CADPS2: variants seen among roughly 807,000 people sequenced by gnomAD.
CADPS2 encodes calcium dependent secretion activator 2.
CADPS2 carries 93 observed loss-of-function variants against 172.5 expected under a neutral mutation model. That is an observed-to-expected ratio of 0.54 (90% CI 0.46 to 0.64). The LOEUF is 0.64. Among genes scored for constraint, CADPS2 ranks in the 30% least tolerant of loss-of-function variants. CADPS2 has a pLI of 0.00. For synonymous variants in CADPS2, 546 were observed against 555.2 expected (o/e 0.98, Z 0.23); for missense variants, 1,420 against 1,565.9 (o/e 0.91, Z 1.57).
chr7:122,410,553 G>T (rs2047182366), intron 19 of CADPS2, among the ~76,000 whole-genome samples: 2 of 151,378 alleles, frequency 1.3e-5, no homozygotes, highest in South Asian at 4.2e-4. Flanking sequence ...TGATACTTGA[G>T]TGATAACGGT....
At chr7:122,572,202 G>A (rs143496641) in intron 7 of CADPS2, among the ~76,000 whole-genome samples, 2,638 of 152,178 alleles carry the variant, frequency 0.017, 28 homozygotes, top group Middle Eastern at 0.034. Flanking sequence ...CTGCAAGATG[G>A]AATGGAAATT....
chr7:122,750,677 T>G (rs866914146), intron 1 of CADPS2, among the ~76,000 whole-genome samples: 3 of 152,168 alleles, frequency 2.0e-5, no homozygotes, highest in South Asian at 2.1e-4. Flanking sequence ...TGTGTGATCA[T>G]TTTTAAAGAA....
At chr7:122,492,477 T>G (rs566241752) in intron 9 of CADPS2, among the ~76,000 whole-genome samples, 2 of 152,208 alleles carry the variant, frequency 1.3e-5, no homozygotes, top group South Asian at 2.1e-4. Flanking sequence ...CAAAATACTG[T>G]AAATGGGGAA....
intron 9 of CADPS2, among the ~76,000 whole-genome samples, chr7:122,494,054 A>T (rs1220452561): frequency 1.3e-5 from 2 of 152,148 alleles, no homozygotes; most frequent in East Asian, 1.9e-4. Context: ...GAACATCTAC[A>T]ATCAGTTGAC....
intron 1 of CADPS2, among the ~76,000 whole-genome samples, chr7:122,878,646 A>G (rs1821989032): frequency 2.7e-5 from 1 of 36,920 alleles, no homozygotes; most frequent in African/African-American, 1.1e-4. Context: ...TCTCAAATAA[A>G]TAAATAAATA....
chr7:122,497,992 G>T (rs910742265), intron 9 of CADPS2, among the ~76,000 whole-genome samples: 8 of 152,050 alleles, frequency 5.3e-5, no homozygotes, highest in Non-Finnish European at 8.8e-5. Flanking sequence ...ATCTCACTTG[G>T]TGGCCCAGGT....
intron 7 of CADPS2, among the ~76,000 whole-genome samples, chr7:122,577,029 G>C (rs1201734814): frequency 2.0e-5 from 3 of 152,118 alleles, no homozygotes; most frequent in Non-Finnish European, 4.4e-5. Context: ...CCATAATGCT[G>C]GGATTATAGG....
intron 3 of CADPS2, among the ~76,000 whole-genome samples, chr7:122,640,157 T>A (rs2077458863): frequency 6.6e-6 from 1 of 152,136 alleles, no homozygotes. Context: ...TCTCTCTCCC[T>A]CACAGTCCAC....
At chr7:122,778,600 C>G (rs147430140) in intron 1 of CADPS2, among the ~76,000 whole-genome samples, 149 of 152,296 alleles carry the variant, frequency 9.8e-4, no homozygotes, top group African/African-American at 3.4e-3. Context: ...CTGTGTGCCA[C>G]CTAGGGACTT....
chr7:122,429,280 T>A (rs532982205), intron 17 of CADPS2, among the ~76,000 whole-genome samples: 33 of 149,766 alleles, frequency 2.2e-4, no homozygotes, highest in Admixed American at 6.7e-4. Context: ...AGCTTTTTTT[T>A]AAAATATATA....
intron 1 of CADPS2, among the ~76,000 whole-genome samples, chr7:122,870,967 C>A (rs1644933371): frequency 6.6e-6 from 1 of 151,988 alleles, no homozygotes; most frequent in East Asian, 1.9e-4. Flanking sequence ...AGACACTGAA[C>A]TAAGTGCTTT....
At chr7:122,408,584 C>A (rs1257458079) in intron 19 of CADPS2, among the ~76,000 whole-genome samples, 1 of 152,064 alleles carries the variant, frequency 6.6e-6, no homozygotes, top group African/African-American at 2.4e-5. Flanking sequence ...GCCACCATGC[C>A]CAGCTAATGT....
At chr7:122,679,265 T>TGGGGGCG (rs1554715351) in intron 2 of CADPS2, among the ~76,000 whole-genome samples, 1 of 39,146 alleles carries the variant, frequency 2.6e-5, no homozygotes, top group East Asian at 1.1e-3. Context: ...AATGCATTCC[T>TGGGGGCG]GGGGGGGGGG....
In CADPS2 at chr7:122,451,374, C is replaced by A. The variant is rs1379095436; in HGVS notation, c.2288G>T (p.Arg763Ile). The change falls in exon 15 of 30, where the codon AGA becomes ATA. Residue 763 changes from arginine (R) to isoleucine (I), a missense_variant and splice_region_variant. Physicochemically the swap from Arg to Ile is moderately conservative, Grantham distance 97 (BLOSUM62 -3). Transcript: ENST00000449022. ...TTTATATTAATAAAAAAATATATACCTGAAATGGCTTATCTGATTTTCTAA... is the reference window on the plus strand; with the variant it reads ...TTTATATTAATAAAAAAATATATACATGAAATGGCTTATCTGATTTTCTAA... The part of the protein sequence containing the change: ...SLLENQISHF[R>I]YCFPFGRPEG... The A allele has an allele frequency of 1.4e-6, 2 of 1,417,124 alleles. No individual in the cohort carries two copies. Among genetic ancestry groups the A allele is most frequent in the South Asian group, 1.5e-5 (1 of 67,546 alleles). 87.8% of individuals were successfully genotyped at this position (1,417,124 alleles called of 1,614,324 possible). A position where few individuals can be genotyped will look rare whatever the true frequency, so the allele number is the denominator to read the frequency against.
chr7:122,808,175 CTA>C, intron 1 of CADPS2, among the ~76,000 whole-genome samples: 1 of 152,086 alleles, frequency 6.6e-6, no homozygotes, highest in East Asian at 1.9e-4. Context: ...GTTATTGCTT[CTA>C]TGTGTCTTCT....
At chr7:122,569,192 A>G (rs1311103033) in intron 7 of CADPS2, among the ~76,000 whole-genome samples, 1 of 152,190 alleles carries the variant, frequency 6.6e-6, no homozygotes, top group African/African-American at 2.4e-5. Context: ...GTCTCAGGAT[A>G]CAAAATCAAT....
At chr7:122,599,261 T>C (rs1050483658) in intron 6 of CADPS2, among the ~76,000 whole-genome samples, 2 of 151,840 alleles carry the variant, frequency 1.3e-5, no homozygotes, top group African/African-American at 2.4e-5. Flanking sequence ...CCATACAGCA[T>C]AGAATCTAAG....
rs571640067 is a variant in CADPS2, at chr7:122,702,339, T to C, written c.453+34616A>G. The stretch of plus-strand genomic sequence containing the variant: ...CCCTGGTGAGACATGGGAAATACTT[T>C]ACTGCCCGTACCTTGATAGTTGTAG... On this transcript the variant is annotated intron_variant, in intron 2 of 29. Coordinates refer to ENST00000449022, the MANE Select transcript of CADPS2 (RefSeq NM_017954.11). 5.6e-6 allele frequency: 9 copies of C among 1,613,844 alleles called. No homozygotes were observed. The African/African-American group carries it at 1.1e-4, about 19-fold the overall frequency.
At chr7:122,595,786 CT>C (rs979069943) in intron 6 of CADPS2, among the ~76,000 whole-genome samples, 2 of 152,062 alleles carry the variant, frequency 1.3e-5, no homozygotes, top group African/African-American at 4.8e-5. Flanking sequence ...GGGAAAGTCT[CT>C]GCATTACACA....
Sources: allele counts gnomAD v4.1 joint callset (sites outside exome capture counted in the v4.1 genomes callset), GRCh38; gene constraint gnomAD v4.1.1; transcripts MANE v1.5; gene names NCBI Gene and HGNC (gene_info 2026-07-23, HGNC 2026-07-21).